The following NCAPG2 variants were observed in gnomAD, a reference collection of about 807,000 sequenced individuals.
NCAPG2 encodes non-SMC condensin II complex subunit G2.
Under a neutral mutation model 141.1 loss-of-function variants are expected in NCAPG2, and 53 were observed. The ratio of observed to expected loss-of-function variants is 0.38; its 90% CI spans 0.30 to 0.47. NCAPG2 has a LOEUF of 0.47. Ranked by LOEUF, NCAPG2 falls within the 20% of genes least tolerant of loss-of-function variation. The probability of loss-of-function intolerance (pLI) is 0.99; values close to 1 mark genes in which losing one functional copy is unlikely to be tolerated. For missense variants in NCAPG2, 1,087 were observed against 1,389.0 expected, an observed-to-expected ratio of 0.78 and a Z score of 3.46; for synonymous variants, 499 against 490.7, an observed-to-expected ratio of 1.02 and a Z score of -0.22.
intron 17 of NCAPG2, among the ~76,000 whole-genome samples, chr7:158,656,937 C>T (rs560374849): frequency 2.3e-4 from 35 of 152,324 alleles, no homozygotes; most frequent in African/African-American, 8.2e-4. Context: ...AGAAGCAGGG[C>T]ACAGCAGCCA....
At chr7:158,694,115 T>C (rs1448151542) in intron 2 of NCAPG2, among the ~76,000 whole-genome samples, 1 of 152,052 alleles carries the variant, frequency 6.6e-6, no homozygotes, top group Admixed American at 6.5e-5. Flanking sequence ...GAAATAAGCA[T>C]AAACGAGGCC....
intron 2 of NCAPG2, among the ~76,000 whole-genome samples, chr7:158,699,897 T>C (rs887073587): frequency 6.6e-6 from 1 of 152,228 alleles, no homozygotes; most frequent in Non-Finnish European, 1.5e-5. Context: ...GTTGTCCCTC[T>C]AACTCCATTT....
rs1261183766 is a variant in NCAPG2 at position 158,687,362 on chromosome 7, T to C, written c.753A>G (p.Leu251=). The part of the protein sequence containing the change: ...KMIHGTIKNQ[L]QGLQKSLMVY... ...TTAACACTTACTTTTGTAATCCCTG[T>C]AACTGGTTTTTAATGGTCCCGTGGA... is the stretch of plus-strand genomic sequence containing the variant. Residue 251 remains leucine (L), a synonymous_variant, in exon 7 of 28, where the codon TTA becomes TTG. Transcript: ENST00000356309. 1 of 1,609,162 alleles carries C rather than the reference T, an allele frequency of 6.2e-7. No homozygotes were observed. The highest frequency in any genetic ancestry group is 2.2e-5 in the East Asian group (1 of 44,784).
chr7:158,652,194 C>G, intron 23 of NCAPG2, 99 bp downstream of exon 23: 4 of 1,231,524 alleles, frequency 3.2e-6, no homozygotes, highest in Non-Finnish European at 4.6e-6. Context: ...GCGTGTCACC[C>G]GAGCGTGAAC....
At chr7:158,665,927 CT>C (rs1290179874) in intron 13 of NCAPG2, among the ~76,000 whole-genome samples, 2 of 152,180 alleles carry the variant, frequency 1.3e-5, no homozygotes, top group African/African-American at 4.8e-5. Context: ...CTTGGTATTT[CT>C]GAAAAAGTTA....
intron 11 of NCAPG2, among the ~76,000 whole-genome samples, chr7:158,676,926 A>G (rs1834086166): frequency 6.6e-6 from 1 of 152,156 alleles, no homozygotes; most frequent in Non-Finnish European, 1.5e-5. Flanking sequence ...TGGAGAAAAG[A>G]GCATAAAAGG....
intron 13 of NCAPG2, among the ~76,000 whole-genome samples, chr7:158,669,852 G>A (rs1205435784): frequency 6.7e-6 from 1 of 150,062 alleles, no homozygotes; most frequent in Non-Finnish European, 1.5e-5. Flanking sequence ...TGTTGCCCAG[G>A]CTGGTCTCAC....
chr7:158,682,812 C>T (rs1363066007), intron 9 of NCAPG2, among the ~76,000 whole-genome samples: 1 of 152,014 alleles, frequency 6.6e-6, no homozygotes, highest in African/African-American at 2.4e-5. Context: ...TCTAGTCAGT[C>T]CATTTACAAT....
At position 158,698,421 on chromosome 7, in the gene NCAPG2, C is replaced by T. The variant is rs1295383730; in HGVS notation, c.78+3401G>A. ...CACTAAGTGCCCTATTCAGATGTACCATTTTTTATGTTTTATACTGTATTT... is the reference window on the plus strand; with the variant it reads ...CACTAAGTGCCCTATTCAGATGTACTATTTTTTATGTTTTATACTGTATTT... On this transcript the variant is annotated intron_variant, in intron 2 of 27. Transcript: ENST00000356309. Among the ~76,000 whole-genome samples the T allele has an allele frequency of 3.3e-5, 5 of 152,134 alleles. No homozygotes were observed. The South Asian group carries it at 6.2e-4, about 19-fold the overall frequency.
chr7:158,677,258 G>C (rs1169197105), intron 11 of NCAPG2, among the ~76,000 whole-genome samples: 1 of 152,078 alleles, frequency 6.6e-6, no homozygotes, highest in Non-Finnish European at 1.5e-5. Context: ...GAAGAGCAAT[G>C]CCACCCAGAA....
intron 16 of NCAPG2, among the ~76,000 whole-genome samples, chr7:158,661,867 T>C (rs1054574405): frequency 6.6e-6 from 1 of 152,200 alleles, no homozygotes; most frequent in Non-Finnish European, 1.5e-5. Context: ...TGTACCTCCA[T>C]GTTCACGAAA....
intron 12 of NCAPG2, among the ~76,000 whole-genome samples, chr7:158,673,953 T>C (rs1833901741): frequency 6.6e-6 from 1 of 152,248 alleles, no homozygotes; most frequent in South Asian, 2.1e-4. Flanking sequence ...AAATTCACCT[T>C]GGCTAGAAAT....
Position 158,664,200 on chromosome 7 carries a change from TC to T in NCAPG2, c.1798del (p.Glu600ArgfsTer5). 1.2e-6 allele frequency: 2 copies of T among 1,610,528 alleles called. No individual in the cohort carries two copies. The highest frequency in any genetic ancestry group is 1.7e-6 in the Non-Finnish European group (2 of 1,176,690). ...TCTACTCACAGTCACATTCTCCTTC[TC>T]CCTTCCGTCCTCTTCCTCCTCGTCC... ...PEDEEEEDGR[E>X]KENVTVLDKT... On this transcript the variant is annotated frameshift_variant, in exon 15 of 28. Coordinates refer to ENST00000356309, the MANE Select transcript of NCAPG2 (RefSeq NM_017760.7). LOFTEE classifies it high-confidence loss of function.
At position 158,664,614 on chromosome 7, in the gene NCAPG2, C is replaced by T. The variant is rs1382694766; in HGVS notation, c.1616G>A (p.Arg539His). Residue 539 changes from arginine (R) to histidine (H), a missense_variant, in exon 14 of 28, where the codon CGC (arginine) becomes CAC (histidine). Arg to His is a conservative substitution (Grantham distance 29). Coordinates refer to ENST00000356309, the MANE Select transcript of NCAPG2 (RefSeq NM_017760.7). Reference sequence around the variant, plus strand: ...GTTCATCTGCACCAGGGTGACACAGCGCTCGCACCAGACCTCCTCCGGCTG... The same window carrying T: ...GTTCATCTGCACCAGGGTGACACAGTGCTCGCACCAGACCTCCTCCGGCTG... Reference protein sequence around the residue: ...VNQPEEVWCERCVTLVQMNHA... With the variant: ...VNQPEEVWCEHCVTLVQMNHA... The T allele has an allele frequency of 6.2e-6, 10 of 1,614,088 alleles. No homozygotes were observed. The highest frequency in any genetic ancestry group is 8.5e-6 in the Non-Finnish European group (10 of 1,180,024).
rs1175858422 is a variant in NCAPG2 at position 158,667,338 on chromosome 7, T to A, written c.1480-2588A>T. ...GCTACTGTGTCCCTCCGCTACTGTGTCCCTCCGCTCCTTAGCCACTACCGG... is the reference window on the plus strand; with the variant it reads ...GCTACTGTGTCCCTCCGCTACTGTGACCCTCCGCTCCTTAGCCACTACCGG... On this transcript the variant is annotated intron_variant, in intron 13 of 27. Coordinates refer to ENST00000356309, the MANE Select transcript of NCAPG2 (RefSeq NM_017760.7). The A allele has an allele frequency of 9.7e-5, 5 of 51,660 alleles. 2 individuals are homozygous for A. Among genetic ancestry groups the A allele is most frequent in the Non-Finnish European group, 1.1e-4 (5 of 45,016 alleles). 3.2% of individuals were successfully genotyped at this position (51,660 alleles called of 1,614,324 possible).
intron 13 of NCAPG2, chr7:158,668,239 GCC>G (rs1305991238): frequency 1.4e-5 from 1 of 72,936 alleles, no homozygotes. Context: ...GGGTCCCTCT[GCC>G]CTCCTTACCC....
chr7:158,649,439 CG>C (rs1444106856), intron 24 of NCAPG2, among the ~76,000 whole-genome samples: 1 of 152,146 alleles, frequency 6.6e-6, no homozygotes, highest in East Asian at 1.9e-4. Context: ...AGAAAAAACA[CG>C]GCAAATGGGC....
intron 23 of NCAPG2, 69 bp downstream of exon 23, chr7:158,652,224 C>G (rs887766849): frequency 7.0e-7 from 1 of 1,429,108 alleles, no homozygotes; most frequent in East Asian, 2.3e-5. Flanking sequence ...AGGGCTGATG[C>G]ATCTGTGTAG....
intron 2 of NCAPG2, among the ~76,000 whole-genome samples, chr7:158,699,314 G>A (rs1835647000): frequency 6.6e-6 from 1 of 152,150 alleles, no homozygotes; most frequent in South Asian, 2.1e-4. Context: ...AGGGCATACA[G>A]TATAATCAGC....
Sources: allele counts gnomAD v4.1 joint callset (sites outside exome capture counted in the v4.1 genomes callset), GRCh38; gene constraint gnomAD v4.1.1; transcripts MANE v1.5; gene names NCBI Gene and HGNC (gene_info 2026-07-23, HGNC 2026-07-21).